Variants in ATP6V0A1 observed in about 807,000 individuals in gnomAD.
ATP6V0A1 encodes the protein ATPase H+ transporting V0 subunit a1.
A neutral mutation model predicts 105.4 loss-of-function variants in ATP6V0A1; 43 were observed. The observed-to-expected ratio is 0.41, with a 90% CI of 0.32 to 0.53. The LOEUF is 0.53. Among genes scored for constraint, ATP6V0A1 ranks in the 20% least tolerant of loss-of-function variants. The probability of loss-of-function intolerance (pLI) is 0.30; values close to 1 mark genes in which losing one functional copy is unlikely to be tolerated. For synonymous variants in ATP6V0A1, 362 were observed against 372.8 expected (o/e 0.97, Z 0.33); for missense variants, 676 against 1,051.1 (o/e 0.64, Z 4.93).
At chr17:42,505,307 G>T (rs953233334) in intron 17 of ATP6V0A1, among the ~76,000 whole-genome samples, 2 of 152,192 alleles carry the variant, frequency 1.3e-5, no homozygotes, top group African/African-American at 4.8e-5. Context: ...CCCAGTTCAA[G>T]CAATTCTCCT....
chr17:42,499,788 A>C (rs922855406), intron 15 of ATP6V0A1, among the ~76,000 whole-genome samples: 1 of 141,272 alleles, frequency 7.1e-6, no homozygotes, highest in Middle Eastern at 3.6e-3. Context: ...ACTCCATCTC[A>C]AAAAAAAAAA....
At chr17:42,498,848 T>G in intron 14 of ATP6V0A1, 76 bp from the exon 15 acceptor site, 1 of 1,003,304 alleles carries the variant, frequency 1.0e-6, no homozygotes, top group Non-Finnish European at 1.5e-6. Flanking sequence ...AAATAAAAAT[T>G]GTTTTTTAAA....
intron 11 of ATP6V0A1, among the ~76,000 whole-genome samples, chr17:42,491,671 C>T (rs1567841119): frequency 2.0e-5 from 3 of 152,024 alleles, no homozygotes; most frequent in African/African-American, 7.2e-5. Context: ...TTAGTCGAGA[C>T]GGGGTTTCAC....
Position 42,500,706 on chromosome 17 carries a change from GC to G in ATP6V0A1, c.1680del (p.Tyr561IlefsTer6). On this transcript the variant is annotated frameshift_variant and splice_region_variant, in exon 16 of 22. Coordinates refer to ENST00000343619, the MANE Select transcript of ATP6V0A1 (RefSeq NM_001130021.3). LOFTEE classifies it high-confidence loss of function. The part of the protein sequence containing the change: ...FGVSLSLFNH[I>X]YFKKPLNIYF... ...AACATTTTTTTCTCTCTCCTTTTTA[GC>G]TATTTCAAGAAGCCCCTGAATATCT... The G allele has an allele frequency of 6.2e-7, 1 of 1,609,498 alleles. No homozygotes were observed. Among genetic ancestry groups the G allele is most frequent in the Non-Finnish European group, 8.5e-7 (1 of 1,176,142 alleles).
At chr17:42,504,445 C>A (rs1157569808) in intron 17 of ATP6V0A1, among the ~76,000 whole-genome samples, 1 of 152,132 alleles carries the variant, frequency 6.6e-6, no homozygotes, top group East Asian at 1.9e-4. Context: ...TGGCCTTCTA[C>A]TTTGGGAGCC....
In ATP6V0A1 at chr17:42,500,422, G is replaced by A. The variant is rs550377312; in HGVS notation, c.1680-285G>A. Among the ~76,000 whole-genome samples, 15 of 152,302 alleles carry A rather than the reference G, an allele frequency of 9.8e-5. No individual in the cohort carries two copies. The South Asian group carries it at 2.1e-3, about 21-fold the overall frequency. ...CTAAGCCCAGGGAGGTTAAGACTGCGGTGAGCCAATATTGCACCACTGTAC... is the reference window on the plus strand; with the variant it reads ...CTAAGCCCAGGGAGGTTAAGACTGCAGTGAGCCAATATTGCACCACTGTAC... On this transcript the variant is annotated intron_variant, in intron 15 of 21. Transcript: ENST00000343619.
intron 15 of ATP6V0A1, among the ~76,000 whole-genome samples, chr17:42,499,582 T>G (rs1598995724): frequency 6.7e-6 from 1 of 149,978 alleles, no homozygotes; most frequent in South Asian, 2.1e-4. Context: ...AGGTCAGGAG[T>G]TCAAGACCAG....
chr17:42,490,501 C>T lies in ATP6V0A1; in HGVS notation c.1038C>T (p.Ser346=). 1 of 1,605,356 alleles carries T rather than the reference C, an allele frequency of 6.2e-7. No homozygotes were observed. The highest frequency in any genetic ancestry group is 1.1e-5 in the South Asian group (1 of 88,764). Residue 346 remains serine, a synonymous_variant, in exon 11 of 22, where the codon TCC becomes TCT. Transcript: ENST00000343619. ...ALRRGTEHSG[S]TVPSILNRMQ... ...ATGTTTTTCAGGAACACAGTGGTTC[C>T]ACTGTACCTTCCATTTTGAACAGGA...
chr17:42,469,211 TAA>T (rs894474375), intron 4 of ATP6V0A1, among the ~76,000 whole-genome samples: 24 of 151,984 alleles, frequency 1.6e-4, no homozygotes, highest in African/African-American at 5.8e-4. Flanking sequence ...GACTTCTCAG[TAA>T]TTATTTTATC....
At chr17:42,476,710 C>T (rs562748238) in intron 5 of ATP6V0A1, among the ~76,000 whole-genome samples, 1 of 152,112 alleles carries the variant, frequency 6.6e-6, no homozygotes, top group South Asian at 2.1e-4. Context: ...TGGGAAGATC[C>T]TTCTTCATTT....
At chr17:42,508,459 G>A (rs2146232209) in intron 18 of ATP6V0A1, 113 bp from the exon 19 acceptor site, 1 of 1,380,566 alleles carries the variant, frequency 7.2e-7, no homozygotes, top group East Asian at 2.3e-5. Context: ...CAACGTGCTA[G>A]CCCATTTAAC....
chr17:42,514,889 C>G (rs2092540133), intron 21 of ATP6V0A1, among the ~76,000 whole-genome samples: 1 of 152,128 alleles, frequency 6.6e-6, no homozygotes, highest in Non-Finnish European at 1.5e-5. Flanking sequence ...CCAGCTTTAT[C>G]CTCTTTGTTC....
chr17:42,498,555 C>T (rs936719255), intron 14 of ATP6V0A1, among the ~76,000 whole-genome samples: 14 of 151,996 alleles, frequency 9.2e-5, no homozygotes, highest in African/African-American at 2.7e-4. Context: ...CGACCGGGCG[C>T]GGTGGCTCAC....
intron 5 of ATP6V0A1, among the ~76,000 whole-genome samples, chr17:42,475,326 G>A (rs2088586448): frequency 6.6e-6 from 1 of 152,180 alleles, no homozygotes; most frequent in Admixed American, 6.5e-5. Context: ...TTTGTAAGGC[G>A]TGGTTTTCAG....
chr17:42,498,923 G>C lies in ATP6V0A1; in HGVS notation c.1561-1G>C. ...CTATTTGTTTTCTCGGGTTATGACA[G>C]ATTTGGAACATTGCTACCAATAAAC... is the stretch of plus-strand genomic sequence containing the variant. On this transcript the variant is annotated splice_acceptor_variant, in intron 14 of 21. Coordinates refer to ENST00000343619, the MANE Select transcript of ATP6V0A1 (RefSeq NM_001130021.3). LOFTEE classifies it high-confidence loss of function. 1 of 1,597,788 alleles carries C rather than the reference G, an allele frequency of 6.3e-7. No homozygotes were observed. Among genetic ancestry groups the C allele is most frequent in the African/African-American group, 1.3e-5 (1 of 74,694 alleles).
intron 12 of ATP6V0A1, 180 bp downstream of exon 12, chr17:42,494,653 A>G: frequency 1.4e-6 from 1 of 724,096 alleles, no homozygotes; most frequent in Non-Finnish European, 2.1e-6. Flanking sequence ...GTGTGCCTGT[A>G]GTCCCAGCTA....
At chr17:42,467,161 G>A (rs2087195254) in intron 3 of ATP6V0A1, among the ~76,000 whole-genome samples, 1 of 151,702 alleles carries the variant, frequency 6.6e-6, no homozygotes, top group Non-Finnish European at 1.5e-5. Context: ...AAAAAAAAAG[G>A]GAGGAAACTA....
chr17:42,461,063 G>T (rs751311886), intron 2 of ATP6V0A1, 52 bp downstream of exon 2: 6 of 1,423,742 alleles, frequency 4.2e-6, no homozygotes, highest in Non-Finnish European at 6.0e-6. Context: ...TATTGCTATC[G>T]TGGTCAGATG....
At position 42,495,664 on chromosome 17, in the gene ATP6V0A1, A is replaced by G. The variant is rs1005848561; in HGVS notation, c.1508A>G (p.Asn503Ser). Residue 503 changes from asparagine (N) to serine (S), a missense_variant, in exon 14 of 22, where the codon AAC (asparagine) becomes AGC (serine). Asn to Ser is a conservative substitution (Grantham distance 46). Coordinates refer to ENST00000343619, the MANE Select transcript of ATP6V0A1 (RefSeq NM_001130021.3). ...TLRGNPVLQL[N>S]PALPGVFGGP... is the part of the protein sequence containing the mutation. Reference sequence around the variant, plus strand: ...CGGGGGAACCCTGTTCTACAGCTGAACCCAGCCCTCCCTGGAGTGTTTGGT... The same window carrying G: ...CGGGGGAACCCTGTTCTACAGCTGAGCCCAGCCCTCCCTGGAGTGTTTGGT... 4 of 1,614,090 alleles carry G rather than the reference A, an allele frequency of 2.5e-6. No individual in the cohort carries two copies. The highest frequency in any genetic ancestry group is 3.4e-6 in the Non-Finnish European group (4 of 1,179,964).
Sources: allele counts gnomAD v4.1 joint callset (sites outside exome capture counted in the v4.1 genomes callset), GRCh38; gene constraint gnomAD v4.1.1; transcripts MANE v1.5; gene names NCBI Gene and HGNC (gene_info 2026-07-23, HGNC 2026-07-21).